SCFD1: variants seen among roughly 807,000 people sequenced by gnomAD.
SCFD1 encodes sec1 family domain containing 1.
SCFD1 carries 37 observed loss-of-function variants against 103.2 expected under a neutral mutation model. That is an observed-to-expected ratio of 0.36 (90% CI 0.28 to 0.47). SCFD1 has a LOEUF of 0.47. SCFD1 is among the 20% of genes least tolerant of loss of function. The pLI is 1.00. For missense variants in SCFD1, 639 were observed against 761.2 expected (o/e 0.84, Z 1.89); for synonymous variants, 264 against 245.0 (o/e 1.08, Z -0.73).
chr14:30,642,246 C>G (rs1436687805), intron 6 of SCFD1, among the ~76,000 whole-genome samples: 1 of 152,132 alleles, frequency 6.6e-6, no homozygotes, highest in Non-Finnish European at 1.5e-5. Context: ...TGCCACCACA[C>G]CTGGCTAATT....
chr14:30,628,318 C>T, intron 2 of SCFD1, 39 bp downstream of exon 2: 1 of 1,383,286 alleles, frequency 7.2e-7, no homozygotes, highest in Non-Finnish European at 1.0e-6. Flanking sequence ...TTCTGTTTTT[C>T]TCAGCCCTTA....
At chr14:30,716,236 A>C (rs1045755032) in intron 20 of SCFD1, among the ~76,000 whole-genome samples, 1 of 152,258 alleles carries the variant, frequency 6.6e-6, no homozygotes, top group African/African-American at 2.4e-5. Flanking sequence ...TGTATAATTA[A>C]ATGTAAAATA....
At chr14:30,735,368 C>T (rs540428453) in intron 24 of SCFD1, among the ~76,000 whole-genome samples, 1 of 152,310 alleles carries the variant, frequency 6.6e-6, no homozygotes, top group African/African-American at 2.4e-5. Flanking sequence ...ATCCTCCCAC[C>T]TCAGCCTCCC....
intron 10 of SCFD1, among the ~76,000 whole-genome samples, chr14:30,665,947 C>T (rs1376605716): frequency 6.6e-6 from 1 of 152,178 alleles, no homozygotes; most frequent in Non-Finnish European, 1.5e-5. Flanking sequence ...GAGACTTAGA[C>T]TCCCACACAA....
At chr14:30,716,274 G>GA (rs1892273171) in intron 20 of SCFD1, among the ~76,000 whole-genome samples, 1 of 152,032 alleles carries the variant, frequency 6.6e-6, no homozygotes, top group South Asian at 2.1e-4. Flanking sequence ...TTCTATAAAT[G>GA]AAAAAAGAAC....
chr14:30,630,929 T>C (rs959448062), intron 3 of SCFD1: 8 of 180,898 alleles, frequency 4.4e-5, no homozygotes, highest in South Asian at 1.3e-4. Flanking sequence ...GTTGAAATTT[T>C]GTAAGTCAAA....
chr14:30,641,450 A>C (rs972953583), intron 6 of SCFD1, among the ~76,000 whole-genome samples: 1 of 152,188 alleles, frequency 6.6e-6, no homozygotes, highest in African/African-American at 2.4e-5. Context: ...ACTAGGATAT[A>C]GGACTCAAGG....
Position 30,700,182 on chromosome 14 carries a change from A to C in SCFD1, c.1340-6A>C. 4 of 1,599,570 alleles carry C rather than the reference A, an allele frequency of 2.5e-6. No homozygotes were observed. The South Asian group carries it at 3.3e-5, about 13-fold the overall frequency. ...AATATTTTTTAACCTCTTTTCCCCT[A>C]TGCAGCAGGAACTCCAGAAGATAAA... is the stretch of plus-strand genomic sequence containing the variant. On this transcript the variant is annotated splice_polypyrimidine_tract_variant and splice_region_variant and intron_variant, in intron 15 of 24. Coordinates refer to ENST00000458591, the MANE Select transcript of SCFD1 (RefSeq NM_016106.4).
In SCFD1 at chr14:30,622,353, G is replaced by C; in HGVS notation, c.15G>C (p.Ala5=). Reference sequence around the variant, plus strand: ...TGGGAGCCAAGATGGCGGCGGCGGCGGCAGCGACAGCAGCAGCAGCAGCCA... The same window carrying C: ...TGGGAGCCAAGATGGCGGCGGCGGCCGCAGCGACAGCAGCAGCAGCAGCCA... The part of the protein sequence containing the change: MAAA[A]AATAAAAASI... Residue 5 remains alanine (A), a synonymous_variant, in exon 1 of 25, where the codon GCG becomes GCC. Transcript: ENST00000458591. The C allele has an allele frequency of 1.3e-6, 2 of 1,568,396 alleles. No homozygotes were observed. The highest frequency in any genetic ancestry group is 1.7e-6 in the Non-Finnish European group (2 of 1,157,222).
intron 20 of SCFD1, among the ~76,000 whole-genome samples, chr14:30,717,111 C>T (rs1012630588): frequency 2.0e-4 from 31 of 152,218 alleles, no homozygotes; most frequent in African/African-American, 7.0e-4. Flanking sequence ...CTATGCCAAG[C>T]AACTATAAAG....
chr14:30,653,026 A>G (rs1205573579), intron 9 of SCFD1, among the ~76,000 whole-genome samples: 1 of 152,102 alleles, frequency 6.6e-6, no homozygotes, highest in African/African-American at 2.4e-5. Flanking sequence ...TTCCTAAGTA[A>G]AATTTATAAT....
In SCFD1 at chr14:30,650,591, T is replaced by A; in HGVS notation, c.696T>A (p.Asn232Lys). Residue 232 changes from asparagine (N) to lysine (K), a missense_variant, in exon 9 of 25, where the codon AAT becomes AAA. Asn to Lys is a moderately conservative substitution (Grantham distance 94). Transcript: ENST00000458591. ...AACTAGACAAGAAACTTCGAGAAAA[T>A]CTAAGAGATGCAAGAAACAGTCTTT... ...AVKLDKKLRE[N>K]LRDARNSLFT... is the part of the protein sequence containing the mutation. 6.2e-7 allele frequency: 1 copy of A among 1,609,568 alleles called. No individual in the cohort carries two copies. The highest frequency in any genetic ancestry group is 1.1e-5 in the South Asian group (1 of 90,824).
intron 7 of SCFD1, among the ~76,000 whole-genome samples, chr14:30,645,623 A>G (rs779804470): frequency 1.2e-4 from 19 of 152,114 alleles, no homozygotes; most frequent in South Asian, 2.1e-4. Context: ...TTTGGCTCTC[A>G]GCTTGGATAT....
At chr14:30,656,971 G>A (rs781402836) in intron 10 of SCFD1, among the ~76,000 whole-genome samples, 1 of 152,066 alleles carries the variant, frequency 6.6e-6, no homozygotes, top group Non-Finnish European at 1.5e-5. Flanking sequence ...GGGATTAATG[G>A]GCATAATAAG....
At chr14:30,646,013 G>T (rs1326406834) in intron 7 of SCFD1, among the ~76,000 whole-genome samples, 1 of 151,686 alleles carries the variant, frequency 6.6e-6, no homozygotes, top group Non-Finnish European at 1.5e-5. Context: ...TTTGTTGAGG[G>T]TTTTTTTGTG....
At chr14:30,656,291 A>G (rs1250580365) in intron 10 of SCFD1, among the ~76,000 whole-genome samples, 1 of 152,110 alleles carries the variant, frequency 6.6e-6, no homozygotes, top group Non-Finnish European at 1.5e-5. Context: ...GGAAATTACA[A>G]CATGTTTGTA....
chr14:30,677,810 T>C (rs1306627955), intron 14 of SCFD1, among the ~76,000 whole-genome samples: 1 of 139,978 alleles, frequency 7.1e-6, no homozygotes, highest in Non-Finnish European at 1.5e-5. Context: ...CTTGTGAACA[T>C]ACATTCACCT....
At chr14:30,640,700 G>A (rs957611574) in intron 6 of SCFD1, among the ~76,000 whole-genome samples, 1 of 151,762 alleles carries the variant, frequency 6.6e-6, no homozygotes, top group African/African-American at 2.4e-5. Context: ...TTTAGGTACT[G>A]TACTTCATAT....
intron 23 of SCFD1, among the ~76,000 whole-genome samples, chr14:30,723,624 C>T (rs554380332): frequency 2.0e-5 from 3 of 152,262 alleles, no homozygotes; most frequent in South Asian, 2.1e-4. Context: ...ATTTAGCTCC[C>T]GCTTATAAAT....
Sources: allele counts gnomAD v4.1 joint callset (sites outside exome capture counted in the v4.1 genomes callset), GRCh38; gene constraint gnomAD v4.1.1; transcripts MANE v1.5; gene names NCBI Gene and HGNC (gene_info 2026-07-23, HGNC 2026-07-21).